NCKAP1: variants seen among roughly 807,000 people sequenced by gnomAD.
NCKAP1 encodes the protein nck-associated protein 1.
Under a neutral mutation model 151.2 loss-of-function variants are expected in NCKAP1, and 21 were observed. The observed-to-expected ratio is 0.14, with a 90% CI of 0.10 to 0.20. The LOEUF (loss-of-function observed/expected upper bound fraction) is 0.20, where lower values mean the gene tolerates loss of function less well. Among genes scored for constraint, NCKAP1 ranks in the 10% least tolerant of loss-of-function variants. NCKAP1 has a pLI of 1.00. For missense variants in NCKAP1, 933 were observed against 1,352.1 expected, an observed-to-expected ratio of 0.69 and a Z score of 4.86; for synonymous variants, 484 against 451.8, an observed-to-expected ratio of 1.07 and a Z score of -0.90.
chr2:182,934,304 AT>A (rs776149662), intron 26 of NCKAP1: 4,071 of 139,214 alleles, frequency 0.029, 69 homozygotes, highest in Non-Finnish European at 0.045. Flanking sequence ...CGCCTGGCTA[AT>A]TTTTTTTTTT....
rs143318952 is a variant in NCKAP1, at chr2:182,973,492, T to G, written c.1482+3401A>C. ...AAAATACAAAGAGAATTCTTAAGAG[T>G]AGGAAAAGGACAGAGAAAGATGAAA... On this transcript the variant is annotated intron_variant, in intron 15 of 30. Transcript: ENST00000361354. Among the ~76,000 whole-genome samples, 329 of 151,796 alleles carry G rather than the reference T, an allele frequency of 2.2e-3. 2 individuals carry two copies. Among genetic ancestry groups the G allele is most frequent in the African/African-American group, 7.6e-3 (316 of 41,404 alleles).
chr2:182,921,298 A>G lies in NCKAP1; in HGVS notation c.*4404T>C, dbSNP rs1696547051. Reference sequence around the variant, plus strand: ...AATATGATTTCCTACTTATTCATGGATTCTAGAAGCTTATTTTATGATGGT... The same window carrying G: ...AATATGATTTCCTACTTATTCATGGGTTCTAGAAGCTTATTTTATGATGGT... On this transcript the variant is annotated 3_prime_UTR_variant, in exon 31 of 31. Coordinates refer to ENST00000361354, the MANE Select transcript of NCKAP1 (RefSeq NM_013436.5). 6.6e-6 allele frequency: 1 copy of G among 152,186 alleles called. No individual in the cohort carries two copies. The highest frequency in any genetic ancestry group is 2.4e-5 in the African/African-American group (1 of 41,428). 9.4% of individuals were successfully genotyped at this position (152,186 alleles called of 1,614,324 possible).
chr2:182,984,233 G>C (rs925706429), intron 10 of NCKAP1, among the ~76,000 whole-genome samples: 2 of 151,932 alleles, frequency 1.3e-5, no homozygotes, highest in Non-Finnish European at 2.9e-5. Flanking sequence ...TGGCACTCTT[G>C]TTCAAAAATA....
chr2:182,974,114 G>A (rs548782801), intron 15 of NCKAP1, among the ~76,000 whole-genome samples: 1 of 152,044 alleles, frequency 6.6e-6, no homozygotes, highest in Admixed American at 6.5e-5. Flanking sequence ...CCTTTGAGCT[G>A]CTTTTCAATA....
intron 28 of NCKAP1, 72 bp downstream of exon 28, chr2:182,928,711 A>G (rs1030131417): frequency 1.9e-6 from 2 of 1,052,068 alleles, no homozygotes; most frequent in East Asian, 5.3e-5. Flanking sequence ...GCAGAACTTA[A>G]CTCATATTTT....
At chr2:182,933,544 C>T (rs1212539084) in intron 26 of NCKAP1, among the ~76,000 whole-genome samples, 1 of 152,096 alleles carries the variant, frequency 6.6e-6, no homozygotes, top group Admixed American at 6.5e-5. Flanking sequence ...TAGGCATGCA[C>T]TGTCACGCCT....
rs142834930 is a variant in NCKAP1, at chr2:182,910,441, A to G, written c.*15261T>C. On this transcript the variant is annotated 3_prime_UTR_variant, in exon 31 of 31. Coordinates refer to ENST00000361354, the MANE Select transcript of NCKAP1 (RefSeq NM_013436.5). Reference sequence around the variant, plus strand: ...TGGGCATGGATGTTAATGTATACTCATATGTGCCCACAACAGTTGGAGCCT... The same window carrying G: ...TGGGCATGGATGTTAATGTATACTCGTATGTGCCCACAACAGTTGGAGCCT... 12 of 152,410 alleles carry G rather than the reference A, an allele frequency of 7.9e-5. No homozygotes were observed. Among genetic ancestry groups the G allele is most frequent in the African/African-American group, 2.6e-4 (11 of 41,592 alleles). 9.4% of individuals were successfully genotyped at this position (152,410 alleles called of 1,614,324 possible).
intron 23 of NCKAP1, among the ~76,000 whole-genome samples, chr2:182,947,327 A>G (rs1697128263): frequency 6.6e-6 from 1 of 152,176 alleles, no homozygotes; most frequent in East Asian, 1.9e-4. Context: ...CTATGTAAAG[A>G]GGGCTGGGGA....
At chr2:183,037,287 T>A (rs939385886) in intron 1 of NCKAP1, among the ~76,000 whole-genome samples, 5 of 152,224 alleles carry the variant, frequency 3.3e-5, no homozygotes, top group African/African-American at 1.2e-4. Context: ...TTGGAAAATC[T>A]AACATGAGGA....
chr2:182,950,925 C>T (rs183278026), intron 23 of NCKAP1, among the ~76,000 whole-genome samples: 5 of 152,082 alleles, frequency 3.3e-5, no homozygotes, highest in South Asian at 4.2e-4. Flanking sequence ...CTCCGCCTCC[C>T]GGGTTCAAGT....
At chr2:182,932,299 A>G (rs552319260) in intron 26 of NCKAP1, among the ~76,000 whole-genome samples, 141 of 152,334 alleles carry the variant, frequency 9.3e-4, no homozygotes, top group African/African-American at 3.1e-3. Context: ...CATTAAAAAA[A>G]GTACTGATAT....
chr2:182,940,412 C>A (rs1696972003), intron 24 of NCKAP1, among the ~76,000 whole-genome samples: 1 of 151,912 alleles, frequency 6.6e-6, no homozygotes, highest in Non-Finnish European at 1.5e-5. Flanking sequence ...ATAAAAATGA[C>A]CTTTTCTTTT....
intron 2 of NCKAP1, among the ~76,000 whole-genome samples, chr2:183,008,145 C>T (rs1292285330): frequency 6.6e-6 from 1 of 152,030 alleles, no homozygotes; most frequent in Non-Finnish European, 1.5e-5. Flanking sequence ...AGGCTGGCCT[C>T]GAACTCCCAA....
rs148914960 is a variant in NCKAP1 at position 182,960,137 on chromosome 2, G to A, written c.1881+2022C>T. Among the ~76,000 whole-genome samples the A allele has an allele frequency of 9.5e-3, 1,441 of 152,240 alleles. 21 individuals carry two copies. The highest frequency in any genetic ancestry group is 0.033 in the African/African-American group (1,369 of 41,538). On this transcript the variant is annotated intron_variant, in intron 18 of 30. Coordinates refer to ENST00000361354, the MANE Select transcript of NCKAP1 (RefSeq NM_013436.5). ...CTCATGGGTAGGAAGAATCAATATC[G>A]TGAAAATGGCTACACTGCCCAAGGT...
At chr2:183,005,309 C>T (rs1698449561) in intron 2 of NCKAP1, among the ~76,000 whole-genome samples, 1 of 151,788 alleles carries the variant, frequency 6.6e-6, no homozygotes, top group African/African-American at 2.4e-5. Context: ...TAATTGTGTC[C>T]CCTTTCCTTC....
In NCKAP1 at chr2:182,912,562, C is replaced by T. The variant is rs911651951; in HGVS notation, c.*13140G>A. On this transcript the variant is annotated 3_prime_UTR_variant, in exon 31 of 31. Coordinates refer to ENST00000361354, the MANE Select transcript of NCKAP1 (RefSeq NM_013436.5). ...GAAAAAGTACGAATTAGGAAAGGTA[C>T]ATTTAACAAGCTCAATGATCTATTA... The T allele has an allele frequency of 6.6e-6, 1 of 152,176 alleles. No individual in the cohort carries two copies. The highest frequency in any genetic ancestry group is 2.4e-5 in the African/African-American group (1 of 41,444). 9.4% of individuals were successfully genotyped at this position (152,176 alleles called of 1,614,324 possible). A position where few individuals can be genotyped will look rare whatever the true frequency, so the allele number is the denominator to read the frequency against.
At chr2:182,981,951 A>T (rs1158394777) in intron 12 of NCKAP1, among the ~76,000 whole-genome samples, 1 of 151,390 alleles carries the variant, frequency 6.6e-6, no homozygotes, top group African/African-American at 2.4e-5. Context: ...AAAAATAAAC[A>T]GGACATGTTA....
intron 18 of NCKAP1, 123 bp downstream of exon 18, chr2:182,962,036 G>A (rs1575032878): frequency 1.0e-6 from 1 of 982,302 alleles, no homozygotes; most frequent in Non-Finnish European, 1.5e-6. Context: ...TCACAGCAGA[G>A]GTTTGAGGTT....
chr2:182,927,078 G>C (rs1389889630), intron 29 of NCKAP1, 173 bp from the exon 30 acceptor site: 1 of 499,458 alleles, frequency 2.0e-6, no homozygotes, highest in South Asian at 2.9e-5. Flanking sequence ...GTAATTTAGA[G>C]AGTAATTAAG....
Sources: allele counts gnomAD v4.1 joint callset (sites outside exome capture counted in the v4.1 genomes callset), GRCh38; gene constraint gnomAD v4.1.1; transcripts MANE v1.5; gene names NCBI Gene and HGNC (gene_info 2026-07-23, HGNC 2026-07-21).